Variants in LARS2 observed in about 807,000 individuals in gnomAD.
LARS2 encodes the protein leucyl-tRNA synthetase 2, mitochondrial, also known as leucine--tRNA ligase, mitochondrial.
Under a neutral mutation model 116.6 loss-of-function variants are expected in LARS2, and 81 were observed. The observed-to-expected ratio is 0.69, with a 90% CI of 0.58 to 0.84. LARS2 has a LOEUF of 0.84. Among genes scored for constraint, LARS2 ranks in the 40% least tolerant of loss-of-function variants. LARS2 has a pLI of 0.00. For synonymous variants in LARS2, 396 were observed against 407.2 expected, an observed-to-expected ratio of 0.97 and a Z score of 0.33; for missense variants, 968 against 1,114.5, an observed-to-expected ratio of 0.87 and a Z score of 1.87.
Position 45,399,440 on chromosome 3 carries a change from A to G in LARS2, c.235-805A>G, listed in dbSNP as rs186763620. Among the ~76,000 whole-genome samples the G allele has an allele frequency of 1.2e-4, 18 of 152,280 alleles. No homozygotes were observed. The East Asian group carries it at 3.3e-3, about 28-fold the overall frequency. ...CAAACAGTTCTTTAAGGACCTAGAT[A>G]GAAGCTGTCTTAAAAGAGAAGTGTT... On this transcript the variant is annotated intron_variant, in intron 3 of 21. Coordinates refer to ENST00000645846, the MANE Select transcript of LARS2 (RefSeq NM_015340.4).
At chr3:45,427,768 A>G (rs1698620218) in intron 6 of LARS2, among the ~76,000 whole-genome samples, 1 of 151,732 alleles carries the variant, frequency 6.6e-6, no homozygotes, top group African/African-American at 2.4e-5. Context: ...TCTCCTCTCT[A>G]TAGGTAACCA....
At chr3:45,428,239 G>GTTTTTTTTTTTTTT (rs35323496) in intron 6 of LARS2, among the ~76,000 whole-genome samples, 2 of 84,222 alleles carry the variant, frequency 2.4e-5, no homozygotes, top group East Asian at 4.1e-4. Flanking sequence ...ATCTTAACCT[G>GTTTTTTTTTTTTTT]TTTTTTTTTT....
chr3:45,455,868 G>T (rs554650026), intron 7 of LARS2, among the ~76,000 whole-genome samples: 1 of 152,124 alleles, frequency 6.6e-6, no homozygotes, highest in Non-Finnish European at 1.5e-5. Flanking sequence ...CTAGAAGACA[G>T]TGTGCTAAAT....
At chr3:45,539,022 A>G (rs952557152) in intron 20 of LARS2, among the ~76,000 whole-genome samples, 9 of 152,220 alleles carry the variant, frequency 5.9e-5, no homozygotes, top group African/African-American at 2.2e-4. Context: ...AGAAGTGAAC[A>G]GTTTTTGAAA....
At chr3:45,399,238 C>T (rs1264907083) in intron 3 of LARS2, among the ~76,000 whole-genome samples, 2 of 152,178 alleles carry the variant, frequency 1.3e-5, no homozygotes, top group Non-Finnish European at 2.9e-5. Context: ...AATGGGGAAA[C>T]TCAGGACCCA....
chr3:45,495,667 A>T (rs1450717125), intron 13 of LARS2, among the ~76,000 whole-genome samples: 1 of 152,246 alleles, frequency 6.6e-6, no homozygotes, highest in Non-Finnish European at 1.5e-5. Flanking sequence ...TTAAGGCACA[A>T]AAGAGATACC....
intron 7 of LARS2, among the ~76,000 whole-genome samples, chr3:45,456,320 C>T (rs530059587): frequency 3.3e-5 from 5 of 152,296 alleles, no homozygotes; most frequent in African/African-American, 4.8e-5. Context: ...TGGTGACTCA[C>T]GCCTGTAATC....
chr3:45,489,403 G>A (rs13078614), intron 12 of LARS2, among the ~76,000 whole-genome samples: 121,539 of 151,968 alleles, frequency 0.8, 52,812 homozygotes, highest in East Asian at 0.98. Context: ...ACACATCAGA[G>A]TCCCCTGGTG....
At chr3:45,417,752 A>G (rs373818756) in intron 5 of LARS2, among the ~76,000 whole-genome samples, 179 bp downstream of exon 5, 9 of 152,366 alleles carry the variant, frequency 5.9e-5, no homozygotes, top group African/African-American at 2.2e-4. Context: ...TCTAAGAAAT[A>G]TTCAGAGAGG....
chr3:45,491,758 C>T lies in LARS2; in HGVS notation c.1481C>T (p.Pro494Leu), dbSNP rs759483641. The T allele has an allele frequency of 6.2e-6, 10 of 1,613,966 alleles. No homozygotes were observed. Among genetic ancestry groups the T allele is most frequent in the East Asian group, 2.2e-5 (1 of 44,878 alleles). Reference protein sequence around the residue: ...IASFTGKGGPPLAMASEWVNC... With the variant: ...IASFTGKGGPLLAMASEWVNC... Reference sequence around the variant, plus strand: ...TCTTTCACTGGCAAGGGAGGCCCCCCACTGGCCATGGCTTCAGAGTGGGTG... The same window carrying T: ...TCTTTCACTGGCAAGGGAGGCCCCCTACTGGCCATGGCTTCAGAGTGGGTG... Residue 494 changes from proline to leucine, a missense_variant, in exon 13 of 22, where the codon CCA becomes CTA. Pro to Leu is a moderately conservative substitution (Grantham distance 98). Transcript: ENST00000645846.
intron 20 of LARS2, among the ~76,000 whole-genome samples, chr3:45,540,746 GTCTATCTATCTATCTATCTATCTA>G (rs3085493): frequency 6.7e-5 from 10 of 149,112 alleles, no homozygotes; most frequent in Non-Finnish European, 1.2e-4. Flanking sequence ...GTATCTATCT[GTCTATCTATCTATCTATCTATCTA>G]TCTATCTATC....
At chr3:45,442,195 T>C (rs189836029) in intron 6 of LARS2, among the ~76,000 whole-genome samples, 149 of 152,332 alleles carry the variant, frequency 9.8e-4, no homozygotes, top group African/African-American at 3.4e-3. Context: ...ATTTGACTTC[T>C]GTGGTGGTCT....
rs1700445826 is a variant in LARS2, at chr3:45,521,083, T to C, written c.2292+787T>C. On this transcript the variant is annotated intron_variant, in intron 19 of 21. Transcript: ENST00000645846. ...ACTTTGGGAGGCTGAGGCAGGCGGA[T>C]CACGAGGTCAGGAGATCAAGACCAT... Among the ~76,000 whole-genome samples the C allele has an allele frequency of 2.0e-5, 3 of 152,084 alleles. No homozygotes were observed. In the South Asian group the frequency reaches 6.2e-4, roughly 32 times the overall value.
At chr3:45,503,865 G>T (rs1378965712) in intron 15 of LARS2, among the ~76,000 whole-genome samples, 1 of 151,950 alleles carries the variant, frequency 6.6e-6, no homozygotes, top group African/African-American at 2.4e-5. Flanking sequence ...AGTGAACATT[G>T]TTGTCTCCCT....
chr3:45,508,770 T>C (rs1482756614), intron 15 of LARS2, among the ~76,000 whole-genome samples: 1 of 151,954 alleles, frequency 6.6e-6, no homozygotes, highest in African/African-American at 2.4e-5. Flanking sequence ...TTAAGAGCAC[T>C]TAACATGGCC....
intron 20 of LARS2, among the ~76,000 whole-genome samples, chr3:45,535,549 T>C (rs1700688688): frequency 6.6e-6 from 1 of 152,086 alleles, no homozygotes; most frequent in Non-Finnish European, 1.5e-5. Flanking sequence ...TACCATATTA[T>C]TCCATTTATA....
intron 21 of LARS2, among the ~76,000 whole-genome samples, chr3:45,543,456 T>TA (rs1700826247): frequency 6.7e-6 from 1 of 148,186 alleles, no homozygotes; most frequent in African/African-American, 2.5e-5. Flanking sequence ...CAGAATTTTT[T>TA]TTTTTTATTT....
intron 6 of LARS2, among the ~76,000 whole-genome samples, chr3:45,427,982 C>T (rs1364925839): frequency 1.3e-5 from 2 of 151,982 alleles, no homozygotes; most frequent in Non-Finnish European, 2.9e-5. Context: ...CCACCACACC[C>T]AGCTAATTTT....
At chr3:45,519,463 C>T (rs906024234) in intron 18 of LARS2, among the ~76,000 whole-genome samples, 1 of 140,898 alleles carries the variant, frequency 7.1e-6, no homozygotes, top group Non-Finnish European at 1.5e-5. Flanking sequence ...TGCACTCCAA[C>T]TTGGGTGACA....
Sources: allele counts gnomAD v4.1 joint callset (sites outside exome capture counted in the v4.1 genomes callset), GRCh38; gene constraint gnomAD v4.1.1; transcripts MANE v1.5; gene names NCBI Gene and HGNC (gene_info 2026-07-23, HGNC 2026-07-21).